Variants in GOLGA2 observed in about 807,000 individuals in gnomAD.
GOLGA2 encodes golgin subfamily A member 2.
In GOLGA2, 49 loss-of-function variants were observed where a neutral mutation model predicts 148.8. The observed-to-expected ratio is 0.33, with a 90% CI of 0.26 to 0.42. The LOEUF (loss-of-function observed/expected upper bound fraction) is 0.42. GOLGA2 is among the 10% of genes least tolerant of loss of function. The pLI, the probability that GOLGA2 is intolerant of heterozygous loss-of-function variation, is 1.00. For synonymous variants in GOLGA2, 501 were observed against 511.8 expected (o/e 0.98, Z 0.28); for missense variants, 1,178 against 1,304.6 (o/e 0.90, Z 1.49).
chr9:128,275,018 C>T (rs1831220813), intron 1 of GOLGA2, among the ~76,000 whole-genome samples: 1 of 152,064 alleles, frequency 6.6e-6, no homozygotes, highest in African/African-American at 2.4e-5. Flanking sequence ...GTGGAGAAGT[C>T]AGAAAAAAAT....
At chr9:128,273,613 T>C (rs1234482927) in intron 2 of GOLGA2, 139 of 543,486 alleles carry the variant, frequency 2.6e-4, no homozygotes, top group Non-Finnish European at 3.2e-6. Flanking sequence ...AAAACAACAA[T>C]AACAAATCTC....
At position 128,265,792 on chromosome 9, in the gene GOLGA2, T is replaced by C. The variant is rs927589154; in HGVS notation, c.822A>G (p.Lys274=). Reference sequence around the variant, plus strand: ...ATGGGGTGCCCAGATTCCCACCTTCTTTCTGCCTGGCAGCATGCTGAGTGT... The same window carrying C: ...ATGGGGTGCCCAGATTCCCACCTTCCTTCTGCCTGGCAGCATGCTGAGTGT... ...LAHTQHAARQ[K]EGESEDLASR... Residue 274 remains lysine, a synonymous_variant, in exon 11 of 27, where the codon AAA becomes AAG. Transcript: ENST00000611957. The C allele has an allele frequency of 5.0e-6, 8 of 1,613,660 alleles. No homozygotes were observed. Among genetic ancestry groups the C allele is most frequent in the Admixed American group, 1.7e-5 (1 of 60,004 alleles).
intron 13 of GOLGA2, 138 bp downstream of exon 13, chr9:128,262,896 G>T: frequency 1.2e-6 from 1 of 800,206 alleles, no homozygotes; most frequent in Non-Finnish European, 2.2e-6. Context: ...CAGTGGCACA[G>T]CTGGCACTAG....
At chr9:128,275,638 G>A in intron 1 of GOLGA2, 1 of 686,472 alleles carries the variant, frequency 1.5e-6, no homozygotes. Context: ...TCGGGGGGCA[G>A]GAGGTGAGGG....
Position 128,261,440 on chromosome 9 carries a change from G to C in GOLGA2, c.1332+14C>G. 1 of 1,457,758 alleles carries C rather than the reference G, an allele frequency of 6.9e-7. No homozygotes were observed. Among genetic ancestry groups the C allele is most frequent in the Non-Finnish European group, 9.6e-7 (1 of 1,037,116 alleles). 90.3% of individuals were successfully genotyped at this position (1,457,758 alleles called of 1,614,324 possible). On this transcript the variant is annotated intron_variant, in intron 16 of 26. Coordinates refer to ENST00000611957, the MANE Select transcript of GOLGA2 (RefSeq NM_001366244.2). The surrounding 1 kb of genome is among the most constrained non-coding windows in gnomAD (Gnocchi z 5.7). ...TATCTAAGGTTGAGGGGGAGCTGAA[G>C]GGTCAGGTCTCACCTGCTCTGACAT...
At chr9:128,263,241 G>T in intron 12 of GOLGA2, 149 bp from the exon 13 acceptor site, 4 of 668,336 alleles carry the variant, frequency 6.0e-6, no homozygotes, top group Non-Finnish European at 1.1e-5. Context: ...CAAGCCCATG[G>T]TCTCATTTTG....
chr9:128,260,928 GC>G lies in GOLGA2; in HGVS notation c.1421-127del. On this transcript the variant is annotated intron_variant, in intron 17 of 26. Transcript: ENST00000611957. The surrounding 1 kb of genome is among the most constrained non-coding windows in gnomAD (Gnocchi z 4.8). ...GATGATTCCTCGCACCCGGATGTTA[GC>G]CAATCTTCCAAACCACTTTCCGATA... 1 of 729,876 alleles carries G rather than the reference GC, an allele frequency of 1.4e-6. No individual in the cohort carries two copies. Among genetic ancestry groups the G allele is most frequent in the Non-Finnish European group, 2.3e-6 (1 of 444,158 alleles). 45.2% of individuals were successfully genotyped at this position (729,876 alleles called of 1,614,324 possible).
chr9:128,257,595 C>A lies in GOLGA2; in HGVS notation c.2718+6G>T, dbSNP rs376828729. The stretch of plus-strand genomic sequence containing the variant: ...CCTCCACCCCCAGAGATGTTCCACA[C>A]CCTACCTTCATCTCCTCCTTGTCTT... On this transcript the variant is annotated splice_donor_region_variant and intron_variant, in intron 25 of 26. Coordinates refer to ENST00000611957, the MANE Select transcript of GOLGA2 (RefSeq NM_001366244.2). The surrounding 1 kb of genome is among the most constrained non-coding windows in gnomAD (Gnocchi z 8.0). The A allele has an allele frequency of 6.2e-7, 1 of 1,614,068 alleles. No individual in the cohort carries two copies.
At position 128,257,493 on chromosome 9, in the gene GOLGA2, T is replaced by C. The variant is rs151093077; in HGVS notation, c.2751A>G (p.Leu917=). The C allele has an allele frequency of 3.7e-5, 59 of 1,613,732 alleles. No individual in the cohort carries two copies. In the African/African-American group the frequency reaches 7.6e-4, roughly 21 times the overall value. ...ACTCGTTGCGGTCGCCCACAAGCCGTAAGACCAGCTCCTGCAGCTCCAGCA... is the reference window on the plus strand; with the variant it reads ...ACTCGTTGCGGTCGCCCACAAGCCGCAAGACCAGCTCCTGCAGCTCCAGCA... ...VKLLELQELV[L]RLVGDRNEWH... Residue 917 remains leucine, a synonymous_variant, in exon 26 of 27, where the codon TTA becomes TTG. Coordinates refer to ENST00000611957, the MANE Select transcript of GOLGA2 (RefSeq NM_001366244.2). The surrounding 1 kb of genome is among the most constrained non-coding windows in gnomAD (Gnocchi z 8.0).
Position 128,259,053 on chromosome 9 carries a change from A to G in GOLGA2, c.2127T>C (p.Asn709=). 1 of 1,611,692 alleles carries G rather than the reference A, an allele frequency of 6.2e-7. No individual in the cohort carries two copies. Residue 709 remains asparagine, a synonymous_variant, in exon 21 of 27, where the codon AAT becomes AAC. Coordinates refer to ENST00000611957, the MANE Select transcript of GOLGA2 (RefSeq NM_001366244.2). ...QERLEAATQQ[N]QQLRAQLSLM... ...GGCTCAACTGGGCCCGTAGCTGCTG[A>G]TTCTGCTGGGTGGCAGCTTCCAGGC...
intron 12 of GOLGA2, 65 bp downstream of exon 12, chr9:128,265,519 CT>C: frequency 8.4e-7 from 1 of 1,190,138 alleles, no homozygotes; most frequent in Non-Finnish European, 1.3e-6. Flanking sequence ...CAGAAGGGAC[CT>C]TTAGGCTCAC....
chr9:128,275,379 C>A, intron 1 of GOLGA2: 1 of 1,286,122 alleles, frequency 7.8e-7, no homozygotes, highest in Non-Finnish European at 9.9e-7. Context: ...GGGGGAACAT[C>A]AGCGCGACGT....
rs1297777762 is a variant in GOLGA2, at chr9:128,256,153, CTGTG to C, written c.*910_*913del. ...CCACTGTCCTGCCTCAGCTGCCTCTCTGTGTAAGAAGATGGGAGCCCCCCTGAGG... is the reference window on the plus strand; with the variant it reads ...CCACTGTCCTGCCTCAGCTGCCTCTCTAAGAAGATGGGAGCCCCCCTGAGG... On this transcript the variant is annotated 3_prime_UTR_variant, in exon 27 of 27. Transcript: ENST00000611957. 1 of 152,684 alleles carries C rather than the reference CTGTG, an allele frequency of 6.5e-6. No homozygotes were observed. The highest frequency in any genetic ancestry group is 1.5e-5 in the Non-Finnish European group (1 of 68,088). 9.5% of individuals were successfully genotyped at this position (152,684 alleles called of 1,614,324 possible). A position where few individuals can be genotyped will look rare whatever the true frequency, so the allele number is the denominator to read the frequency against.
In GOLGA2 at chr9:128,267,556, CCT is replaced by C. The variant is rs145144414; in HGVS notation, c.502-41_502-40del. 8.2e-3 allele frequency: 12,098 copies of C among 1,477,678 alleles called. 67 individuals carry two copies. The highest frequency in any genetic ancestry group is 0.018 in the Admixed American group (1,076 of 59,820). The allele number at this position is 1,477,678 out of a possible 1,614,324, so 91.5% of individuals were successfully genotyped here. Reference sequence around the variant, plus strand: ...GAGTGCACATGGAGATGTTCTGTCCCCTCAGTGTCTAAGCCCTCTAACTTCGT... The same window carrying C: ...GAGTGCACATGGAGATGTTCTGTCCCCAGTGTCTAAGCCCTCTAACTTCGT... On this transcript the variant is annotated intron_variant, in intron 6 of 26. Transcript: ENST00000611957.
At position 128,261,030 on chromosome 9, in the gene GOLGA2, G is replaced by C; in HGVS notation, c.1420+142C>G. ...GGGCACTGAGGCTCATGGAGATGAC[G>C]AGACTTGCCATCTCCTGGCACAGAC... On this transcript the variant is annotated intron_variant, in intron 17 of 26. Transcript: ENST00000611957. This position sits in a 1 kb window ranked among gnomAD's most constrained non-coding sequence, Gnocchi z 5.7. The C allele has an allele frequency of 1.4e-6, 1 of 727,964 alleles. No individual in the cohort carries two copies. Among genetic ancestry groups the C allele is most frequent in the East Asian group, 2.5e-5 (1 of 39,328 alleles). 45.1% of individuals were successfully genotyped at this position (727,964 alleles called of 1,614,324 possible).
Position 128,266,999 on chromosome 9 carries a change from G to C in GOLGA2, c.642+195C>G. 1 of 631,118 alleles carries C rather than the reference G, an allele frequency of 1.6e-6. No homozygotes were observed. The highest frequency in any genetic ancestry group is 2.9e-6 in the Non-Finnish European group (1 of 350,006). 39.1% of individuals were successfully genotyped at this position (631,118 alleles called of 1,614,324 possible). ...AGGGGTGTCTAGAGAAGAGAGAGTA[G>C]GCAAAGAGGGCAGCAACAGAAGAGC... On this transcript the variant is annotated intron_variant, in intron 8 of 26. Coordinates refer to ENST00000611957, the MANE Select transcript of GOLGA2 (RefSeq NM_001366244.2). This position sits in a 1 kb window ranked among gnomAD's most constrained non-coding sequence, Gnocchi z 4.2.
chr9:128,274,182 G>T (rs1157085474), intron 1 of GOLGA2, among the ~76,000 whole-genome samples: 2 of 152,108 alleles, frequency 1.3e-5, no homozygotes, highest in Non-Finnish European at 2.9e-5. Flanking sequence ...TCAGTCTTCT[G>T]ACTCCAAGCT....
intron 13 of GOLGA2, 67 bp downstream of exon 13, chr9:128,262,967 C>T (rs1286794506): frequency 1.8e-6 from 2 of 1,092,634 alleles, no homozygotes; most frequent in Non-Finnish European, 2.8e-6. Flanking sequence ...CCTGTACCCC[C>T]CACCTCCCAG....
At chr9:128,273,827 G>C (rs755059506) in intron 2 of GOLGA2, 23 bp downstream of exon 2, 11 of 1,613,298 alleles carry the variant, frequency 6.8e-6, no homozygotes, top group Non-Finnish European at 9.3e-6. Context: ...CTGTCCCCAG[G>C]AGCCTGGCCA....
Sources: gnomAD v4.1 joint callset for allele counts (sites outside exome capture counted in the v4.1 genomes callset) on GRCh38, gnomAD v4.1.1 for gene constraint, Gnocchi (gnomAD v3.1) non-coding constraint, MANE v1.5 for transcripts, NCBI Gene and HGNC (gene_info 2026-07-23, HGNC 2026-07-21) for gene names.